SAMD12: variants seen among roughly 807,000 people sequenced by gnomAD.
SAMD12 encodes the protein sterile alpha motif domain-containing protein 12.
Under a neutral mutation model 15.0 loss-of-function variants are expected in SAMD12, and 9 were observed. That is an observed-to-expected ratio of 0.60 (90% CI 0.36 to 1.05). The LOEUF (loss-of-function observed/expected upper bound fraction) is 1.05, where lower values mean the gene tolerates loss of function less well. SAMD12 is among the 50% of genes least tolerant of loss of function. SAMD12 has a pLI of 0.01. For synonymous variants in SAMD12, 86 were observed against 90.1 expected (o/e 0.96, Z 0.25); for missense variants, 230 against 234.2 (o/e 0.98, Z 0.12).
At chr8:118,133,804 T>C in the SAMD12 span, among the ~76,000 whole-genome samples, 2 of 152,150 alleles carry the variant, frequency 1.3e-5, no homozygotes, top group East Asian at 3.9e-4. Flanking sequence ...AAAGTACTCA[T>C]TCTAATGTGA....
chr8:118,486,433 G>A (rs1193241655), intron 2 of SAMD12, among the ~76,000 whole-genome samples: 1 of 150,628 alleles, frequency 6.6e-6, no homozygotes, highest in Admixed American at 6.6e-5. Context: ...AAAAGAGAGA[G>A]AGAGTAGCAA....
intron 2 of SAMD12, among the ~76,000 whole-genome samples, chr8:118,467,736 G>T: frequency 6.6e-6 from 1 of 152,192 alleles, no homozygotes; most frequent in East Asian, 1.9e-4. Context: ...TTTGAATCCT[G>T]CTCTGTCAAT....
chr8:118,511,952 A>T (rs938816957), intron 2 of SAMD12, among the ~76,000 whole-genome samples: 1 of 152,206 alleles, frequency 6.6e-6, no homozygotes, highest in Non-Finnish European at 1.5e-5. Flanking sequence ...ATTGTCAATG[A>T]AATCTGCACC....
chr8:118,545,641 T>C (rs551923534), intron 2 of SAMD12, among the ~76,000 whole-genome samples: 1 of 152,178 alleles, frequency 6.6e-6, no homozygotes, highest in Non-Finnish European at 1.5e-5. Context: ...CAATGAATCT[T>C]GATGAACCCA....
chr8:118,198,711 A>T (rs933490625), intron 4 of SAMD12, among the ~76,000 whole-genome samples: 8 of 152,220 alleles, frequency 5.3e-5, no homozygotes, highest in African/African-American at 1.9e-4. Flanking sequence ...AAAAGGTACT[A>T]TGTAAGTGTA....
downstream of SAMD12, among the ~76,000 whole-genome samples, chr8:118,187,568 T>C (rs974062537): frequency 6.6e-5 from 10 of 152,192 alleles, no homozygotes; most frequent in Admixed American, 5.9e-4. Context: ...AAAATTATTT[T>C]GGTGGTCTCA....
At chr8:118,166,413 T>G in the SAMD12 span, among the ~76,000 whole-genome samples, 978 of 152,334 alleles carry the variant, frequency 6.4e-3, 10 homozygotes, top group African/African-American at 0.02. Flanking sequence ...GAGACTGGCT[T>G]TTTGTGGCTC....
intron 4 of SAMD12, among the ~76,000 whole-genome samples, chr8:118,327,801 T>C (rs1157159683): frequency 6.6e-6 from 1 of 152,134 alleles, no homozygotes; most frequent in Non-Finnish European, 1.5e-5. Flanking sequence ...CAAGTCTGAC[T>C]GGCAAAGATG....
At chr8:118,187,884 C>A (rs188204793), downstream of SAMD12, among the ~76,000 whole-genome samples, 24 of 152,212 alleles carry the variant, frequency 1.6e-4, no homozygotes, top group African/African-American at 3.6e-4. Flanking sequence ...AACATGGCAC[C>A]AAGTTTAATT....
chr8:118,243,310 G>A (rs1221315097), intron 4 of SAMD12, among the ~76,000 whole-genome samples: 1 of 152,086 alleles, frequency 6.6e-6, no homozygotes, highest in African/African-American at 2.4e-5. Flanking sequence ...GTAGGGAACA[G>A]ATGTGAAATT....
At chr8:118,171,388 G>C in the SAMD12 span, among the ~76,000 whole-genome samples, 2 of 151,846 alleles carry the variant, frequency 1.3e-5, no homozygotes, top group African/African-American at 4.8e-5. Flanking sequence ...GTGTAGATGA[G>C]TATTTATAGC....
At chr8:118,388,384 C>T (rs1286512884) in intron 3 of SAMD12, among the ~76,000 whole-genome samples, 10 of 152,180 alleles carry the variant, frequency 6.6e-5, no homozygotes, top group Non-Finnish European at 1.3e-4. Flanking sequence ...TACACTACAT[C>T]TCTGATTATT....
chr8:118,482,160 G>A (rs1218849911), intron 2 of SAMD12, among the ~76,000 whole-genome samples: 1 of 152,086 alleles, frequency 6.6e-6, no homozygotes, highest in Non-Finnish European at 1.5e-5. Context: ...AATTCAATAG[G>A]TGCCGAATCC....
chr8:118,333,166 G>A (rs1198582820), intron 4 of SAMD12, among the ~76,000 whole-genome samples: 2 of 152,152 alleles, frequency 1.3e-5, no homozygotes, highest in Admixed American at 1.3e-4. Flanking sequence ...TTTTCCTGGT[G>A]GGAGAGACCC....
At chr8:118,445,071 G>T (rs1023684577) in intron 2 of SAMD12, among the ~76,000 whole-genome samples, 16 of 152,168 alleles carry the variant, frequency 1.1e-4, no homozygotes, top group African/African-American at 3.1e-4. Context: ...TTACTATCTT[G>T]CAATGTCCTT....
At position 118,580,808 on chromosome 8, in the gene SAMD12, C is replaced by T. The variant is rs764172010; in HGVS notation, c.99G>A (p.Val33=). The change falls in exon 2 of 4, where the codon GTG becomes GTA. Residue 33 remains valine (V), a synonymous_variant. Transcript: ENST00000314727. ...TTTTATTTTTAATGGATTGAGATTCCACACCTTCACCTTCAATTTGCAGTT... is the reference window on the plus strand; with the variant it reads ...TTTTATTTTTAATGGATTGAGATTCTACACCTTCACCTTCAATTTGCAGTT... ...GIKLQIEGEG[V]ESQSIKNKNF... is the part of the protein sequence containing the mutation. 8 of 1,612,674 alleles carry T rather than the reference C, an allele frequency of 5.0e-6. 1 individual carries two copies. Among genetic ancestry groups the T allele is most frequent in the Admixed American group, 3.3e-5 (2 of 59,904 alleles).
chr8:118,588,726 T>C (rs1345125282), intron 1 of SAMD12, among the ~76,000 whole-genome samples: 1 of 152,184 alleles, frequency 6.6e-6, no homozygotes, highest in Non-Finnish European at 1.5e-5. Flanking sequence ...TGAAGGGCAC[T>C]GGGACCTGAT....
intron 2 of SAMD12, among the ~76,000 whole-genome samples, chr8:118,506,039 T>A (rs1824912412): frequency 6.6e-6 from 1 of 152,174 alleles, no homozygotes; most frequent in African/African-American, 2.4e-5. Context: ...TGCTCTAGTC[T>A]CTAACAGAAC....
chr8:118,259,998 A>T (rs1219349689), intron 4 of SAMD12, among the ~76,000 whole-genome samples: 1 of 152,148 alleles, frequency 6.6e-6, no homozygotes, highest in Non-Finnish European at 1.5e-5. Context: ...TGAGCTCCTC[A>T]CACATGCCAA....
Sources: allele counts gnomAD v4.1 joint callset (sites outside exome capture counted in the v4.1 genomes callset), GRCh38; gene constraint gnomAD v4.1.1; transcripts MANE v1.5; gene names NCBI Gene and HGNC (gene_info 2026-07-23, HGNC 2026-07-21).